TC2N: variants seen among roughly 807,000 people sequenced by gnomAD.
TC2N encodes tandem C2 domains, nuclear.
TC2N carries 51 observed loss-of-function variants against 61.9 expected under a neutral mutation model. That is an observed-to-expected ratio of 0.82 (90% CI 0.66 to 1.04). The LOEUF is 1.04. Ranked by LOEUF, TC2N falls within the 50% of genes least tolerant of loss-of-function variation. The pLI, the probability that TC2N is intolerant of heterozygous loss-of-function variation, is 0.00. For missense variants in TC2N, 556 were observed against 566.7 expected, an observed-to-expected ratio of 0.98 and a Z score of 0.19; for synonymous variants, 204 against 192.6, an observed-to-expected ratio of 1.06 and a Z score of -0.49.
At chr14:91,802,493 A>C (rs1350520719) in intron 3 of TC2N, 72 bp from the exon 4 acceptor site, 1 of 1,394,450 alleles carries the variant, frequency 7.2e-7, no homozygotes, top group East Asian at 2.4e-5. Flanking sequence ...TGGTACACCC[A>C]GGGTAAAAGA....
chr14:91,861,928 G>A (rs7140145), intron 1 of TC2N, among the ~76,000 whole-genome samples: 4 of 97,824 alleles, frequency 4.1e-5, no homozygotes, highest in South Asian at 3.2e-4. Flanking sequence ...ATATATATAT[G>A]TATATATATG....
At chr14:91,806,217 C>T (rs1886502386) in intron 3 of TC2N, among the ~76,000 whole-genome samples, 1 of 152,106 alleles carries the variant, frequency 6.6e-6, no homozygotes, top group South Asian at 2.1e-4. Flanking sequence ...TTATAAATTA[C>T]CTAAACTCAG....
intron 1 of TC2N, among the ~76,000 whole-genome samples, chr14:91,846,339 G>A (rs1266803488): frequency 6.6e-6 from 1 of 152,148 alleles, no homozygotes; most frequent in Non-Finnish European, 1.5e-5. Context: ...AGAGTTCATC[G>A]TGGAGAGGAC....
intron 3 of TC2N, among the ~76,000 whole-genome samples, chr14:91,804,016 G>C (rs1383728476): frequency 6.6e-6 from 1 of 152,078 alleles, no homozygotes; most frequent in Non-Finnish European, 1.5e-5. Context: ...CAAATCATAA[G>C]AAATCAATAA....
Position 91,856,168 on chromosome 14 carries a change from A to C in TC2N, c.-57+11094T>G, listed in dbSNP as rs571498732. ...GGGGTCAGGGTTAAGGCTCTAACAC[A>C]GAATCTGGCATATAAAAAGTATTCA... On this transcript the variant is annotated intron_variant, in intron 1 of 11. Coordinates refer to ENST00000435962, the MANE Select transcript of TC2N (RefSeq NM_001128596.3). 4.6e-5 allele frequency among the ~76,000 whole-genome samples: 7 copies of C among 152,332 alleles called. No individual in the cohort carries two copies. The South Asian group carries it at 1.2e-3, about 27-fold the overall frequency.
intron 1 of TC2N, among the ~76,000 whole-genome samples, chr14:91,830,188 C>T (rs1471813035): frequency 6.6e-6 from 1 of 152,154 alleles, no homozygotes; most frequent in Non-Finnish European, 1.5e-5. Flanking sequence ...AATTCTAATC[C>T]TAAGTAAATA....
At chr14:91,805,747 A>T (rs1270940363) in intron 3 of TC2N, among the ~76,000 whole-genome samples, 1 of 152,190 alleles carries the variant, frequency 6.6e-6, no homozygotes, top group East Asian at 1.9e-4. Flanking sequence ...TATTTAATAA[A>T]TTTAGTATAT....
At chr14:91,861,668 A>C (rs1421008209) in intron 1 of TC2N, among the ~76,000 whole-genome samples, 1 of 152,244 alleles carries the variant, frequency 6.6e-6, no homozygotes, top group East Asian at 1.9e-4. Flanking sequence ...GATGCCTGTA[A>C]TCCCAGCACT....
In TC2N at chr14:91,792,408, T is replaced by C; in HGVS notation, c.1006A>G (p.Met336Val). ...GGTGTTATATCCAAAGAGTAATCCATTTCCTGTGTGCTAAGGGTTCTGAGT... is the reference window on the plus strand; with the variant it reads ...GGTGTTATATCCAAAGAGTAATCCACTTCCTGTGTGCTAAGGGTTCTGAGT... Reference protein sequence around the residue: ...MSLRTLSTQEMDYSLDITPPS... With the variant: ...MSLRTLSTQEVDYSLDITPPS... Residue 336 changes from methionine to valine, a missense_variant, in exon 9 of 12, where the codon ATG becomes GTG. Coordinates refer to ENST00000435962, the MANE Select transcript of TC2N (RefSeq NM_001128596.3). 1 of 1,606,714 alleles carries C rather than the reference T, an allele frequency of 6.2e-7. No individual in the cohort carries two copies. Among genetic ancestry groups the C allele is most frequent in the Non-Finnish European group, 8.5e-7 (1 of 1,175,860 alleles).
At chr14:91,804,264 A>G (rs1488470086) in intron 3 of TC2N, among the ~76,000 whole-genome samples, 1 of 152,236 alleles carries the variant, frequency 6.6e-6, no homozygotes, top group African/African-American at 2.4e-5. Context: ...TATAATCACT[A>G]TGGAAAAAGA....
intron 3 of TC2N, among the ~76,000 whole-genome samples, chr14:91,805,344 T>C (rs1209129375): frequency 3.3e-5 from 5 of 152,212 alleles, no homozygotes; most frequent in African/African-American, 1.2e-4. Context: ...AAGCCAAGTA[T>C]TATTACAAAA....
chr14:91,854,802 G>A (rs1888450602), intron 1 of TC2N, among the ~76,000 whole-genome samples: 1 of 152,186 alleles, frequency 6.6e-6, no homozygotes, highest in South Asian at 2.1e-4. Flanking sequence ...AGGAGTAGGG[G>A]AGAGCAAAGC....
At chr14:91,791,055 C>T (rs1041805361) in intron 9 of TC2N, among the ~76,000 whole-genome samples, 10 of 150,844 alleles carry the variant, frequency 6.6e-5, no homozygotes, top group Middle Eastern at 3.4e-3. Flanking sequence ...ATTGCTTGGT[C>T]GGGGAGATGG....
At chr14:91,847,114 C>G (rs1278865630) in intron 1 of TC2N, among the ~76,000 whole-genome samples, 4 of 152,084 alleles carry the variant, frequency 2.6e-5, no homozygotes, top group African/African-American at 9.7e-5. Flanking sequence ...AAAAATTAGC[C>G]AGGCGTTGTG....
At chr14:91,807,906 A>G (rs1260629280) in intron 3 of TC2N, among the ~76,000 whole-genome samples, 1 of 152,232 alleles carries the variant, frequency 6.6e-6, no homozygotes, top group East Asian at 1.9e-4. Flanking sequence ...GTTGTGGGAG[A>G]CACCTGGTAG....
intron 1 of TC2N, among the ~76,000 whole-genome samples, chr14:91,860,221 C>G (rs1888562840): frequency 6.6e-6 from 1 of 151,674 alleles, no homozygotes; most frequent in Non-Finnish European, 1.5e-5. Context: ...AAAACCTCAC[C>G]ACAGCTTCCC....
rs1189189937 is a variant in TC2N at position 91,782,775 on chromosome 14, C to G, written c.*325G>C. ...GAATATCTAAGTAAAGCTTAAAATA[C>G]AAAAGCGAAAACATAATATAGAAAG... On this transcript the variant is annotated 3_prime_UTR_variant, in exon 12 of 12. Coordinates refer to ENST00000435962, the MANE Select transcript of TC2N (RefSeq NM_001128596.3). The G allele has an allele frequency of 4.9e-6, 1 of 204,368 alleles. No homozygotes were observed. 12.7% of individuals were successfully genotyped at this position (204,368 alleles called of 1,614,324 possible). A position where few individuals can be genotyped will look rare whatever the true frequency, so the allele number is the denominator to read the frequency against.
At chr14:91,801,410 T>C (rs1172896920) in intron 4 of TC2N, among the ~76,000 whole-genome samples, 1 of 152,100 alleles carries the variant, frequency 6.6e-6, no homozygotes, top group Admixed American at 6.5e-5. Flanking sequence ...TCCCAGCAAT[T>C]TGGGAGGCCA....
Position 91,786,066 on chromosome 14 carries a change from G to C in TC2N, c.1163-705C>G, listed in dbSNP as rs147497054. 1.7e-4 allele frequency among the ~76,000 whole-genome samples: 26 copies of C among 152,118 alleles called. No homozygotes were observed. The East Asian group carries it at 5.0e-3, about 30-fold the overall frequency. On this transcript the variant is annotated intron_variant, in intron 10 of 11. Transcript: ENST00000435962. ...TGACTAATTGGAGGTGACAGAGCTG[G>C]GGTGCCAGGGAAGCAAGAAAGTGAG...
Sources: gnomAD v4.1 joint callset for allele counts (sites outside exome capture counted in the v4.1 genomes callset) on GRCh38, gnomAD v4.1.1 for gene constraint, MANE v1.5 for transcripts, NCBI Gene and HGNC (gene_info 2026-07-23, HGNC 2026-07-21) for gene names.